MYO3B: variants seen among roughly 807,000 people sequenced by gnomAD.
The protein encoded by MYO3B is myosin-IIIb.
A neutral mutation model predicts 174.6 loss-of-function variants in MYO3B; 156 were observed. That is an observed-to-expected ratio of 0.89 (90% CI 0.78 to 1.02). MYO3B has a LOEUF of 1.02. MYO3B is among the 50% of genes least tolerant of loss of function. MYO3B has a pLI of 0.00. For missense variants in MYO3B, 1,632 were observed against 1,639.4 expected, an observed-to-expected ratio of 1.00 and a Z score of 0.08; for synonymous variants, 563 against 569.1, an observed-to-expected ratio of 0.99 and a Z score of 0.15.
chr2:170,400,341 G>A (rs1307747894), intron 17 of MYO3B, 27 bp downstream of exon 17: 1 of 1,607,012 alleles, frequency 6.2e-7, no homozygotes, highest in Non-Finnish European at 8.5e-7. Flanking sequence ...TGTGGGCTGT[G>A]TTGTTGCCAA....
chr2:170,519,658 C>A, intron 30 of MYO3B, 118 bp downstream of exon 30: 2 of 919,558 alleles, frequency 2.2e-6, no homozygotes, highest in African/African-American at 1.6e-5. Flanking sequence ...TTTTGGTGAA[C>A]TGGAGAGAGT....
intron 8 of MYO3B, among the ~76,000 whole-genome samples, chr2:170,348,980 A>G (rs2094039374): frequency 6.6e-6 from 1 of 152,156 alleles, no homozygotes; most frequent in Admixed American, 6.5e-5. Context: ...CCTGGATCTC[A>G]TCACAAATTA....
chr2:170,494,727 CAAAAAAAAAAAA>C (rs3066990), intron 25 of MYO3B, among the ~76,000 whole-genome samples: 11 of 92,038 alleles, frequency 1.2e-4, no homozygotes, highest in Non-Finnish European at 2.1e-4. Flanking sequence ...AACTGCGTCT[CAAAAAAAAAAAA>C]AAAAAAAAAG....
At chr2:170,356,892 C>A (rs2094125977) in intron 8 of MYO3B, among the ~76,000 whole-genome samples, 1 of 152,178 alleles carries the variant, frequency 6.6e-6, no homozygotes, top group African/African-American at 2.4e-5. Flanking sequence ...GTCCTCCCAC[C>A]TCAGCCTCCC....
At chr2:170,450,671 G>A (rs1683550368) in intron 23 of MYO3B, among the ~76,000 whole-genome samples, 1 of 151,702 alleles carries the variant, frequency 6.6e-6, no homozygotes, top group African/African-American at 2.4e-5. Context: ...TTTCATGTTT[G>A]CTTTAGGGCA....
intron 32 of MYO3B, among the ~76,000 whole-genome samples, chr2:170,620,769 G>C (rs1335128586): frequency 6.6e-6 from 1 of 152,240 alleles, no homozygotes; most frequent in East Asian, 1.9e-4. Flanking sequence ...CTGCAGCAAG[G>C]CTGCCCACCC....
chr2:170,542,390 G>T (rs12473391), intron 30 of MYO3B, among the ~76,000 whole-genome samples: 20,933 of 152,100 alleles, frequency 0.14, 1,808 homozygotes, highest in Middle Eastern at 0.21. Flanking sequence ...AATTACTGTT[G>T]GAACTTTATC....
intron 3 of MYO3B, among the ~76,000 whole-genome samples, chr2:170,211,162 A>G (rs1397793167): frequency 3.3e-5 from 5 of 152,206 alleles, no homozygotes; most frequent in African/African-American, 7.2e-5. Context: ...GTTTTTCCCA[A>G]GGAGTCCCAT....
chr2:170,619,500 G>C (rs1403788240), intron 32 of MYO3B, among the ~76,000 whole-genome samples: 1 of 152,138 alleles, frequency 6.6e-6, no homozygotes, highest in Non-Finnish European at 1.5e-5. Flanking sequence ...TTACAGTGAA[G>C]CTGTTGGCCA....
chr2:170,407,805 C>T lies in MYO3B; in HGVS notation c.2611C>T (p.Leu871Phe). Residue 871 changes from leucine (L) to phenylalanine (F), a missense_variant, in exon 22 of 35, where the codon CTT (leucine) becomes TTT (phenylalanine). Coordinates refer to ENST00000408978, the MANE Select transcript of MYO3B (RefSeq NM_138995.5). Reference protein sequence around the residue: ...VVVLRTSENKLLQQLFSIPLT... With the variant: ...VVVLRTSENKFLQQLFSIPLT... The stretch of plus-strand genomic sequence containing the variant: ...GGTCCTGAGAACGTCAGAAAACAAG[C>T]TTCTTCAGCAGCTCTTCTCAATCCC... The T allele has an allele frequency of 1.2e-6, 2 of 1,614,064 alleles. No homozygotes were observed. Among genetic ancestry groups the T allele is most frequent in the South Asian group, 2.2e-5 (2 of 91,074 alleles).
In MYO3B at chr2:170,638,091, C is replaced by CCTCT. The variant is rs574364783; in HGVS notation, c.3734-13521_3734-13518dup. On this transcript the variant is annotated intron_variant, in intron 32 of 34. Coordinates refer to ENST00000408978, the MANE Select transcript of MYO3B (RefSeq NM_138995.5). ...TCTATTTCCACTCAATCTCTCTCTC[C>CCTCT]CTCTCTCTCTCTCTCTCTCACACAC... Among the ~76,000 whole-genome samples the CCTCT allele has an allele frequency of 2.5e-4, 38 of 149,106 alleles. No homozygotes were observed. In the Middle Eastern group the frequency reaches 0.014, roughly 54 times the overall value.
At chr2:170,332,246 G>A (rs2093916923) in intron 7 of MYO3B, 1 of 152,110 alleles carries the variant, frequency 6.6e-6, no homozygotes, top group Non-Finnish European at 1.5e-5. Flanking sequence ...AAATCAAAAT[G>A]CAACCATCTA....
intron 9 of MYO3B, among the ~76,000 whole-genome samples, chr2:170,372,986 C>T (rs1444442913): frequency 6.6e-6 from 1 of 152,028 alleles, no homozygotes. Flanking sequence ...ACAGGAGCCA[C>T]GTCACCATGG....
At chr2:170,635,704 TTAAGTC>T (rs1404432189) in intron 32 of MYO3B, among the ~76,000 whole-genome samples, 2 of 152,170 alleles carry the variant, frequency 1.3e-5, no homozygotes, top group African/African-American at 2.4e-5. Context: ...TCTCTGTTCT[TTAAGTC>T]TAATCTGTGA....
At chr2:170,237,458 A>G (rs1029061808) in intron 7 of MYO3B, among the ~76,000 whole-genome samples, 1 of 145,818 alleles carries the variant, frequency 6.9e-6, no homozygotes, top group African/African-American at 2.6e-5. Context: ...CTTGTTATGT[A>G]TTTGTATACA....
At position 170,637,333 on chromosome 2, in the gene MYO3B, G is replaced by A. The variant is rs544490165; in HGVS notation, c.3734-14295G>A. ...ATTACAGGCATACGCCACCAGGCCCGGCTAATTTTTTGTATTTTTAGTAGA... is the reference window on the plus strand; with the variant it reads ...ATTACAGGCATACGCCACCAGGCCCAGCTAATTTTTTGTATTTTTAGTAGA... On this transcript the variant is annotated intron_variant, in intron 32 of 34. Coordinates refer to ENST00000408978, the MANE Select transcript of MYO3B (RefSeq NM_138995.5). Among the ~76,000 whole-genome samples, 43 of 151,902 alleles carry A rather than the reference G, an allele frequency of 2.8e-4. 3 individuals carry two copies. Among genetic ancestry groups the A allele is most frequent in the African/African-American group, 8.7e-4 (36 of 41,408 alleles).
intron 12 of MYO3B, among the ~76,000 whole-genome samples, chr2:170,384,110 G>A (rs746072215): frequency 8.5e-5 from 13 of 152,148 alleles, no homozygotes; most frequent in Admixed American, 5.2e-4. Context: ...CAGTGCAAAC[G>A]CAACCTGATT....
intron 3 of MYO3B, among the ~76,000 whole-genome samples, chr2:170,212,636 G>GA (rs11331154): frequency 6.6e-6 from 1 of 151,718 alleles, no homozygotes; most frequent in African/African-American, 2.4e-5. Context: ...GGGAGAAAAG[G>GA]AAAAAAAAGA....
intron 22 of MYO3B, among the ~76,000 whole-genome samples, chr2:170,413,541 T>A (rs1168833418): frequency 6.6e-6 from 1 of 152,104 alleles, no homozygotes; most frequent in East Asian, 1.9e-4. Flanking sequence ...ACAAGGGTGT[T>A]AGAGACTGAC....
Sources: allele counts gnomAD v4.1 joint callset (sites outside exome capture counted in the v4.1 genomes callset), GRCh38; gene constraint gnomAD v4.1.1; transcripts MANE v1.5; gene names NCBI Gene and HGNC (gene_info 2026-07-23, HGNC 2026-07-21).